Variants in TMEM9 observed in about 807,000 individuals in gnomAD.
The protein encoded by TMEM9 is transmembrane protein 9, also known as proton-transporting V-type ATPase complex assembly regulator TMEM9.
Under a neutral mutation model 22.8 loss-of-function variants are expected in TMEM9, and 13 were observed. The observed-to-expected ratio is 0.57, with a 90% CI of 0.37 to 0.91. The LOEUF is 0.91. Among genes scored for constraint, TMEM9 ranks in the 40% least tolerant of loss-of-function variants. The pLI is 0.01. For missense variants in TMEM9, 182 were observed against 238.1 expected (o/e 0.76, Z 1.55); for synonymous variants, 88 against 93.0 (o/e 0.95, Z 0.31).
intron 1 of TMEM9, among the ~76,000 whole-genome samples, chr1:201,168,858 C>T (rs928822206): frequency 6.6e-5 from 10 of 152,058 alleles, no homozygotes; most frequent in Non-Finnish European, 1.5e-5. Flanking sequence ...GAGGTGCTAT[C>T]ATGGCTCACT....
At chr1:201,168,463 A>G (rs897492241) in intron 1 of TMEM9, among the ~76,000 whole-genome samples, 6 of 152,236 alleles carry the variant, frequency 3.9e-5, no homozygotes, top group African/African-American at 1.2e-4. Context: ...TCACGCCTGT[A>G]ATCTCAGCAC....
chr1:201,150,935 A>ACGG (rs766956353), intron 2 of TMEM9, among the ~76,000 whole-genome samples: 1 of 152,168 alleles, frequency 6.6e-6, no homozygotes, highest in Non-Finnish European at 1.5e-5. Flanking sequence ...CCCTCCAAGA[A>ACGG]CGGAGCTTCC....
chr1:201,164,553 T>C (rs773516011), intron 1 of TMEM9, among the ~76,000 whole-genome samples: 26 of 152,240 alleles, frequency 1.7e-4, no homozygotes, highest in Middle Eastern at 3.2e-3. Flanking sequence ...AATGGTGGTT[T>C]CATATGGTTC....
intron 2 of TMEM9, among the ~76,000 whole-genome samples, chr1:201,147,482 A>G (rs1034397731): frequency 6.6e-6 from 1 of 152,090 alleles, no homozygotes; most frequent in African/African-American, 2.4e-5. Context: ...ACTTCCCTAA[A>G]AATTCCTAGA....
chr1:201,151,991 C>T (rs1479238488), intron 1 of TMEM9, 139 bp from the exon 2 acceptor site: 5 of 636,408 alleles, frequency 7.9e-6, no homozygotes, highest in Non-Finnish European at 1.4e-5. Context: ...TTCTCCATCC[C>T]CAAGTTCAAA....
At chr1:201,162,402 G>T (rs1209964855) in intron 1 of TMEM9, among the ~76,000 whole-genome samples, 1 of 152,066 alleles carries the variant, frequency 6.6e-6, no homozygotes, top group Non-Finnish European at 1.5e-5. Flanking sequence ...CTCCCAAAGT[G>T]CTGGGATTCC....
At chr1:201,171,014 C>A (rs1400976843) in intron 1 of TMEM9, among the ~76,000 whole-genome samples, 1 of 152,250 alleles carries the variant, frequency 6.6e-6, no homozygotes, top group Non-Finnish European at 1.5e-5. Flanking sequence ...TCTCACCAGG[C>A]GACAAGGCTT....
At position 201,135,464 on chromosome 1, in the gene TMEM9, G is replaced by A. The variant is rs1433279361; in HGVS notation, c.*199C>T. 3.9e-6 allele frequency: 2 copies of A among 513,454 alleles called. No homozygotes were observed. The highest frequency in any genetic ancestry group is 8.1e-5 in the Admixed American group (2 of 24,744). The allele number at this position is 513,454 out of a possible 1,614,324, so 31.8% of individuals were successfully genotyped here. Reference sequence around the variant, plus strand: ...CCCAAAGACCCAAGAAGACAACAGAGATCAGAGACCACATCCCTCTTCCCT... The same window carrying A: ...CCCAAAGACCCAAGAAGACAACAGAAATCAGAGACCACATCCCTCTTCCCT... On this transcript the variant is annotated 3_prime_UTR_variant, in exon 5 of 5. Transcript: ENST00000367330.
In TMEM9 at chr1:201,163,919, C is replaced by T. The variant is rs577710450; in HGVS notation, c.-37+7571G>A. On this transcript the variant is annotated intron_variant, in intron 1 of 5. Coordinates refer to the TMEM9 transcript ENST00000367333. ...AAGAAGACTTATGTTCACATAAAAA[C>T]GTGTGCATGAATGCTTGTAGCAACT... Among the ~76,000 whole-genome samples, 13 of 152,324 alleles carry T rather than the reference C, an allele frequency of 8.5e-5. No individual in the cohort carries two copies. In the South Asian group the frequency reaches 1.4e-3, roughly 17 times the overall value.
chr1:201,150,937 G>T (rs535244112), intron 2 of TMEM9, among the ~76,000 whole-genome samples: 1 of 152,100 alleles, frequency 6.6e-6, no homozygotes, highest in East Asian at 1.9e-4. Context: ...CTCCAAGAAC[G>T]GAGCTTCCTG....
At chr1:201,145,978 A>G (rs1664924658) in intron 3 of TMEM9, among the ~76,000 whole-genome samples, 1 of 152,180 alleles carries the variant, frequency 6.6e-6, no homozygotes, top group African/African-American at 2.4e-5. Flanking sequence ...ACAAACAAAA[A>G]AAGAAATGGC....
In TMEM9 at chr1:201,140,815, T is replaced by C. The variant is rs1422555759; in HGVS notation, c.399+3005A>G. Among the ~76,000 whole-genome samples the C allele has an allele frequency of 2.6e-5, 4 of 152,174 alleles. No individual in the cohort carries two copies. In the South Asian group the frequency reaches 6.2e-4, roughly 24 times the overall value. On this transcript the variant is annotated intron_variant, in intron 4 of 4. Coordinates refer to ENST00000367330, the MANE Select transcript of TMEM9 (RefSeq NM_001288565.2). ...CCCAAGAGGCCATGTCCTGACTTTG[T>C]TCCTCTTGGGGTGAAACCCAGAGAC...
upstream of TMEM9, among the ~76,000 whole-genome samples, chr1:201,157,213 C>T (rs895486712): frequency 6.6e-6 from 1 of 152,176 alleles, no homozygotes; most frequent in Non-Finnish European, 1.5e-5. Flanking sequence ...AAAAAGTTAG[C>T]ACCAGGTGTG....
At chr1:201,146,715 T>C (rs1281836357) in intron 3 of TMEM9, 25 bp downstream of exon 3, 1 of 1,600,778 alleles carries the variant, frequency 6.2e-7, no homozygotes, top group Non-Finnish European at 8.6e-7. Flanking sequence ...GGAATCCCAC[T>C]GGCTTCCTGA....
At chr1:201,150,771 G>C (rs1316395993) in intron 2 of TMEM9, among the ~76,000 whole-genome samples, 1 of 152,158 alleles carries the variant, frequency 6.6e-6, no homozygotes, top group Non-Finnish European at 1.5e-5. Context: ...CTCCGTATTT[G>C]AAGAATCAAA....
chr1:201,149,046 T>C (rs1233512958), intron 2 of TMEM9, among the ~76,000 whole-genome samples: 1 of 152,196 alleles, frequency 6.6e-6, no homozygotes, highest in African/African-American at 2.4e-5. Context: ...CATACCAGTA[T>C]TGCAGTGGAA....
chr1:201,164,824 C>T (rs903896681), intron 1 of TMEM9, among the ~76,000 whole-genome samples: 1 of 151,900 alleles, frequency 6.6e-6, no homozygotes, highest in East Asian at 1.9e-4. Flanking sequence ...AAAAAGTGAC[C>T]CTCTTTATCA....
chr1:201,159,484 TACACACAC>T (rs60273477), upstream of TMEM9, among the ~76,000 whole-genome samples: 220 of 147,484 alleles, frequency 1.5e-3, no homozygotes, highest in African/African-American at 1.9e-3. Context: ...TGCCTTTTTA[TACACACAC>T]ACACACACAC....
chr1:201,159,575 C>T (rs1181783161), intron 1 of TMEM9, among the ~76,000 whole-genome samples: 2 of 133,716 alleles, frequency 1.5e-5, no homozygotes, highest in African/African-American at 2.8e-5. Flanking sequence ...GCAATTAAAC[C>T]TTTTTTTTTT....
Sources: gnomAD v4.1 joint callset for allele counts (sites outside exome capture counted in the v4.1 genomes callset) on GRCh38, gnomAD v4.1.1 for gene constraint, MANE v1.5 for transcripts, NCBI Gene and HGNC (gene_info 2026-07-23, HGNC 2026-07-21) for gene names.